PRDM1: variants seen among roughly 807,000 people sequenced by gnomAD.
PRDM1 encodes the protein PR/SET domain 1.
A neutral mutation model predicts 62.8 loss-of-function variants in PRDM1; 13 were observed. That is an observed-to-expected ratio of 0.21 (90% CI 0.13 to 0.33). The LOEUF is 0.33. Among genes scored for constraint, PRDM1 ranks in the 10% least tolerant of loss-of-function variants. The pLI, the probability that PRDM1 is intolerant of heterozygous loss-of-function variation, is 1.00. For missense variants in PRDM1, 895 were observed against 1,058.8 expected (o/e 0.85, Z 2.15); for synonymous variants, 396 against 417.6 (o/e 0.95, Z 0.63).
In PRDM1 at chr6:106,088,211, A is replaced by G. The variant is rs754858224; in HGVS notation, c.53A>G (p.Lys18Arg). The G allele has an allele frequency of 4.3e-6, 7 of 1,610,414 alleles. No homozygotes were observed. In the African/African-American group the frequency reaches 6.7e-5, roughly 15 times the overall value. Residue 18 changes from lysine (K) to arginine (R), a missense_variant, in exon 2 of 7, where the codon AAG becomes AGG. Transcript: ENST00000369096. ...KRVGTTLAAP[K>R]CNSSTVRFQG... ...TCCTTTCTCTTCCAGGCTGCCCCCAAGTGTAACTCCAGCACTGTGAGGTTT... is the reference window on the plus strand; with the variant it reads ...TCCTTTCTCTTCCAGGCTGCCCCCAGGTGTAACTCCAGCACTGTGAGGTTT...
rs575818437 is a variant in PRDM1 at position 106,062,232 on chromosome 6, C to T, written c.-67+13518C>T. On this transcript the variant is annotated intron_variant, in intron 1 of 6. Coordinates refer to the PRDM1 transcript ENST00000651185. ...ATCTTAAAAATACATTTTTACTATA[C>T]GGGAACAGATCTTTGTCATGTGCAG... 1.7e-4 allele frequency among the ~76,000 whole-genome samples: 26 copies of T among 152,246 alleles called. No individual in the cohort carries two copies. In the South Asian group the frequency reaches 2.1e-3, roughly 12 times the overall value.
chr6:106,089,966 C>T (rs1050839556), intron 2 of PRDM1, among the ~76,000 whole-genome samples: 2 of 152,170 alleles, frequency 1.3e-5, no homozygotes, highest in Non-Finnish European at 2.9e-5. Flanking sequence ...CTATAATGTT[C>T]TTATCGTCAG....
Position 106,107,204 on chromosome 6 carries a change from G to A in PRDM1, c.2196G>A (p.Lys732=). ...CCCGAATCAATGAAGAAATCGAGAA[G>A]TTTGACATCAGTGACAATGCTGACC... ...DLTRINEEIE[K]FDISDNADRL... The change falls in exon 7 of 7, where the codon AAG becomes AAA. Residue 732 remains lysine (K), a synonymous_variant. Transcript: ENST00000369096. 1.2e-6 allele frequency: 2 copies of A among 1,614,240 alleles called. No homozygotes were observed. The highest frequency in any genetic ancestry group is 1.6e-4 in the Middle Eastern group (1 of 6,062).
Position 106,106,527 on chromosome 6 carries a change from C to T in PRDM1, c.1902+28C>T, listed in dbSNP as rs1157610857. The T allele has an allele frequency of 5.0e-6, 8 of 1,613,540 alleles. No individual in the cohort carries two copies. Among genetic ancestry groups the T allele is most frequent in the Non-Finnish European group, 6.8e-6 (8 of 1,179,818 alleles). ...GCGCAGTATTTTCTGGGTAGACCTT[C>T]TGACCTTTGTAGAAAATGTCTGTGA... On this transcript the variant is annotated intron_variant, in intron 6 of 6. Coordinates refer to ENST00000369096, the MANE Select transcript of PRDM1 (RefSeq NM_001198.4). This position sits in a 1 kb window ranked among gnomAD's most constrained non-coding sequence, Gnocchi z 4.4.
intron 1 of PRDM1, among the ~76,000 whole-genome samples, chr6:106,024,811 G>A (rs1371646174): frequency 6.6e-6 from 1 of 152,102 alleles, no homozygotes; most frequent in Non-Finnish European, 1.5e-5. Context: ...GAGAGATACT[G>A]AAATCCCTCT....
At position 106,095,760 on chromosome 6, in the gene PRDM1, C is replaced by T. The variant is rs1390584576; in HGVS notation, c.411+26C>T. 3 of 1,610,482 alleles carry T rather than the reference C, an allele frequency of 1.9e-6. No individual in the cohort carries two copies. In the African/African-American group the frequency reaches 4.0e-5, roughly 22 times the overall value. On this transcript the variant is annotated intron_variant, in intron 3 of 6. Coordinates refer to ENST00000369096, the MANE Select transcript of PRDM1 (RefSeq NM_001198.4). Reference sequence around the variant, plus strand: ...GTAAGTAAGGGAAATTTCTTCAGACCCATTAAATGTTAGGAAAAAATGGAG... The same window carrying T: ...GTAAGTAAGGGAAATTTCTTCAGACTCATTAAATGTTAGGAAAAAATGGAG...
intron 1 of PRDM1, among the ~76,000 whole-genome samples, chr6:106,009,371 T>A (rs1210115375): frequency 6.6e-6 from 1 of 152,216 alleles, no homozygotes; most frequent in African/African-American, 2.4e-5. Context: ...GAAAGCTGGA[T>A]CACCCTAGGC....
chr6:105,998,531 C>A (rs1213137068), intron 1 of PRDM1, among the ~76,000 whole-genome samples: 12 of 151,974 alleles, frequency 7.9e-5, no homozygotes, highest in Admixed American at 7.9e-4. Flanking sequence ...GTAAATAAAC[C>A]CATAAGTCAA....
intron 1 of PRDM1, among the ~76,000 whole-genome samples, chr6:106,011,992 ACTC>A (rs1009647619): frequency 4.6e-5 from 6 of 130,782 alleles, no homozygotes; most frequent in Non-Finnish European, 9.8e-5. Context: ...CACACACCAC[ACTC>A]CTCCACATTC....
chr6:106,083,212 TG>T (rs1271939195), upstream of PRDM1, among the ~76,000 whole-genome samples: 1,742 of 4,810 alleles, frequency 0.36, 39 homozygotes, highest in Admixed American at 0.4. Context: ...GAAATGGGTG[TG>T]GGGGGTGAGG....
Position 106,107,139 on chromosome 6 carries a change from G to T in PRDM1, c.2131G>T (p.Ala711Ser). The stretch of plus-strand genomic sequence containing the variant: ...CAAGGTTCACCTGAAAGGGAACTGC[G>T]CTGCGGCCCCGGCGCCTGGGCTGCC... ...SLKVHLKGNC[A>S]AAPAPGLPLE... is the part of the protein sequence containing the mutation. The change falls in exon 7 of 7, where the codon GCT (alanine) becomes TCT (serine). Residue 711 changes from alanine to serine, a missense_variant. This residue lies in a region of PRDM1 where 164 missense variants were observed against 179.9 expected (regional missense o/e 0.91). Coordinates refer to ENST00000369096, the MANE Select transcript of PRDM1 (RefSeq NM_001198.4). 6.2e-7 allele frequency: 1 copy of T among 1,614,176 alleles called. No homozygotes were observed. The highest frequency in any genetic ancestry group is 1.1e-5 in the South Asian group (1 of 91,090).
At position 106,107,350 on chromosome 6, in the gene PRDM1, G is replaced by A. The variant is rs780985666; in HGVS notation, c.2342G>A (p.Gly781Glu). ...AAAGTGTCTTTGCAAAGAAACATGG[G>A]GAATGGACTCCTCTCCTCAGGGTGC... ...GLKVSLQRNM[G>E]NGLLSSGCSL... The change falls in exon 7 of 7, where the codon GGG becomes GAG. Residue 781 changes from glycine (G) to glutamate (E), a missense_variant. Physicochemically the swap from Gly to Glu is moderately conservative, Grantham distance 98 (BLOSUM62 -2). This residue lies in a region of PRDM1 where 164 missense variants were observed against 179.9 expected (regional missense o/e 0.91). Transcript: ENST00000369096. 1.9e-6 allele frequency: 3 copies of A among 1,614,050 alleles called. No homozygotes were observed. The highest frequency in any genetic ancestry group is 1.3e-5 in the African/African-American group (1 of 74,960).
intron 1 of PRDM1, among the ~76,000 whole-genome samples, chr6:106,018,688 G>A (rs1481496648): frequency 6.6e-6 from 1 of 152,030 alleles, no homozygotes; most frequent in African/African-American, 2.4e-5. Flanking sequence ...GGGGTTATGG[G>A]CTTTTTGGAG....
At chr6:106,071,435 A>G (rs1467264659) in intron 1 of PRDM1, among the ~76,000 whole-genome samples, 1 of 152,154 alleles carries the variant, frequency 6.6e-6, no homozygotes, top group African/African-American at 2.4e-5. Context: ...AGGTATCTCC[A>G]ATAAAAATTA....
intron 1 of PRDM1, among the ~76,000 whole-genome samples, chr6:106,022,832 T>G (rs530843802): frequency 6.6e-6 from 1 of 152,320 alleles, no homozygotes; most frequent in Admixed American, 6.5e-5. Flanking sequence ...TTGGGATTAC[T>G]GGCATGAGCC....
intron 1 of PRDM1, among the ~76,000 whole-genome samples, chr6:105,998,919 ATATATATATATATATTT>A (rs1353976933): frequency 9.2e-3 from 44 of 4,786 alleles, no homozygotes; most frequent in Non-Finnish European, 0.026. Context: ...ATATATATAT[ATATATATATATATATTT>A]TTTTTTTTTT....
chr6:106,061,750 G>T (rs2114593161), intron 1 of PRDM1, among the ~76,000 whole-genome samples: 1 of 152,326 alleles, frequency 6.6e-6, no homozygotes, highest in Admixed American at 6.5e-5. Flanking sequence ...AGGGGCAGAG[G>T]TCTTCATGCA....
intron 1 of PRDM1, among the ~76,000 whole-genome samples, chr6:106,060,583 A>C (rs1272774872): frequency 6.6e-6 from 1 of 152,198 alleles, no homozygotes; most frequent in Non-Finnish European, 1.5e-5. Context: ...ATAGACTTGA[A>C]GCTGGGTGAT....
At chr6:106,094,916 C>G (rs138225565) in intron 2 of PRDM1, among the ~76,000 whole-genome samples, 1 of 113,750 alleles carries the variant, frequency 8.8e-6, no homozygotes, top group African/African-American at 2.7e-5. Context: ...AACACACACA[C>G]ACACACACAC....
Sources: allele counts gnomAD v4.1 joint callset (sites outside exome capture counted in the v4.1 genomes callset), GRCh38; gene constraint gnomAD v4.1.1; regional missense constraint gnomAD v4.1.1; non-coding constraint Gnocchi (gnomAD v3.1); transcripts MANE v1.5; gene names NCBI Gene and HGNC (gene_info 2026-07-23, HGNC 2026-07-21).